Variants in BPTF observed in about 807,000 individuals in gnomAD.
BPTF encodes the protein bromodomain PHD finger transcription factor.
A neutral mutation model predicts 292.5 loss-of-function variants in BPTF; 18 were observed. The ratio of observed to expected loss-of-function variants is 0.06; its 90% confidence interval spans 0.04 to 0.09. BPTF has a LOEUF of 0.09. BPTF is among the 10% of genes least tolerant of loss of function. The probability of loss-of-function intolerance (pLI) is 1.00; values close to 1 mark genes in which losing one functional copy is unlikely to be tolerated. For synonymous variants in BPTF, 1,225 were observed against 1,251.9 expected (o/e 0.98, Z 0.45); for missense variants, 2,726 against 3,498.7 (o/e 0.78, Z 5.57).
At chr17:67,857,937 G>A (rs1172026346) in intron 2 of BPTF, among the ~76,000 whole-genome samples, 2 of 151,794 alleles carry the variant, frequency 1.3e-5, no homozygotes, top group Non-Finnish European at 2.9e-5. Flanking sequence ...ACAGGCATGC[G>A]CCACCACACC....
chr17:67,881,869 T>C (rs1418510881), intron 4 of BPTF, among the ~76,000 whole-genome samples: 1 of 139,482 alleles, frequency 7.2e-6, no homozygotes, highest in Non-Finnish European at 1.5e-5. Context: ...TTTTTTTTTT[T>C]TTTTTTTTTT....
At chr17:67,931,243 C>T (rs2064359918) in intron 17 of BPTF, among the ~76,000 whole-genome samples, 1 of 151,810 alleles carries the variant, frequency 6.6e-6, no homozygotes, top group Non-Finnish European at 1.5e-5. Flanking sequence ...CCAGCCTGGG[C>T]GAAAGAGCGA....
At chr17:67,842,350 ACTC>A (rs2057622799) in intron 1 of BPTF, among the ~76,000 whole-genome samples, 2 of 151,928 alleles carry the variant, frequency 1.3e-5, no homozygotes, top group Admixed American at 6.6e-5. Flanking sequence ...TTGACCAGTT[ACTC>A]CTCCTTCAGA....
At chr17:67,834,020 C>T (rs1256617809) in intron 1 of BPTF, among the ~76,000 whole-genome samples, 2 of 152,036 alleles carry the variant, frequency 1.3e-5, no homozygotes, top group Admixed American at 6.6e-5. Context: ...CTCTTCATCT[C>T]GAATGGATCT....
At chr17:67,963,846 C>G (rs2067746378) in intron 24 of BPTF, among the ~76,000 whole-genome samples, 1 of 152,110 alleles carries the variant, frequency 6.6e-6, no homozygotes, top group African/African-American at 2.4e-5. Flanking sequence ...TAGAAAAACA[C>G]TAATTTGGGT....
intron 17 of BPTF, among the ~76,000 whole-genome samples, chr17:67,929,813 GA>G (rs1427057141): frequency 6.6e-6 from 1 of 152,156 alleles, no homozygotes; most frequent in Non-Finnish European, 1.5e-5. Flanking sequence ...GGCTCGCTAA[GA>G]AATCAAATTT....
At chr17:67,859,297 C>T (rs1403170018) in intron 2 of BPTF, among the ~76,000 whole-genome samples, 3 of 152,146 alleles carry the variant, frequency 2.0e-5, no homozygotes, top group African/African-American at 7.2e-5. Flanking sequence ...AGGCATGTGC[C>T]ACCGTGCCCA....
rs1599101163 is a variant in BPTF, at chr17:67,982,319, A to T, written c.*31A>T. 1 of 1,591,280 alleles carries T rather than the reference A, an allele frequency of 6.3e-7. No individual in the cohort carries two copies. The highest frequency in any genetic ancestry group is 1.9e-4 in the Middle Eastern group (1 of 5,222). Reference sequence around the variant, plus strand: ...AGCGTGTTAACCTAACATAAAACACAGCAAGAATCTGGTTGTCTGAACTAT... The same window carrying T: ...AGCGTGTTAACCTAACATAAAACACTGCAAGAATCTGGTTGTCTGAACTAT... On this transcript the variant is annotated 3_prime_UTR_variant, in exon 28 of 28. Transcript: ENST00000306378.
At chr17:67,925,172 T>C (rs1173387092) in intron 15 of BPTF, among the ~76,000 whole-genome samples, 1 of 151,792 alleles carries the variant, frequency 6.6e-6, no homozygotes, top group Non-Finnish European at 1.5e-5. Context: ...TTGGAGGACA[T>C]CTGAAATAAG....
At chr17:67,972,667 T>C (rs1242885049) in intron 26 of BPTF, among the ~76,000 whole-genome samples, 1 of 152,164 alleles carries the variant, frequency 6.6e-6, no homozygotes, top group Non-Finnish European at 1.5e-5. Context: ...TTTGGTGTCA[T>C]GCTTGGAGTC....
intron 1 of BPTF, among the ~76,000 whole-genome samples, chr17:67,851,222 G>T (rs2058379532): frequency 6.6e-6 from 1 of 151,210 alleles, no homozygotes; most frequent in African/African-American, 2.4e-5. Context: ...GGGCCTTCGT[G>T]ACTGGGCTCA....
Position 67,912,272 on chromosome 17 carries a change from G to C in BPTF, c.4388G>C (p.Arg1463Thr). ...KSLTVKESAI[R>T]PFINGDVIME... Reference sequence around the variant, plus strand: ...TTGACTGTTAAAGAATCTGCTATAAGGCCATTCATTAATGGTGATGTCATC... The same window carrying C: ...TTGACTGTTAAAGAATCTGCTATAACGCCATTCATTAATGGTGATGTCATC... The change falls in exon 11 of 28, where the codon AGG becomes ACG. Residue 1463 changes from arginine to threonine, a missense_variant. Arg to Thr is a moderately conservative substitution (Grantham distance 71). Transcript: ENST00000306378. 1 of 1,613,550 alleles carries C rather than the reference G, an allele frequency of 6.2e-7. No homozygotes were observed. The highest frequency in any genetic ancestry group is 1.1e-5 in the South Asian group (1 of 91,030).
At chr17:67,940,152 C>G (rs978513863) in intron 18 of BPTF, among the ~76,000 whole-genome samples, 14 of 152,098 alleles carry the variant, frequency 9.2e-5, no homozygotes, top group Non-Finnish European at 1.8e-4. Context: ...TTTGTCTTCC[C>G]TATTATCATT....
intron 23 of BPTF, chr17:67,955,849 A>C (rs2066879881): frequency 1.3e-5 from 2 of 151,760 alleles, no homozygotes; most frequent in Admixed American, 1.3e-4. Context: ...GATTCACTTA[A>C]ATTATCATTT....
At chr17:67,858,517 T>C (rs1175891024) in intron 2 of BPTF, among the ~76,000 whole-genome samples, 1 of 145,148 alleles carries the variant, frequency 6.9e-6, no homozygotes, top group Non-Finnish European at 1.5e-5. Flanking sequence ...ATGGCGCCAC[T>C]GTACTCCAGC....
chr17:67,981,853 A>G (rs1568244963), intron 27 of BPTF: 1 of 225,890 alleles, frequency 4.4e-6, no homozygotes. Context: ...TATTCCCCTC[A>G]TCAATGTAAA....
chr17:67,910,232 G>A (rs2062559800), intron 10 of BPTF, among the ~76,000 whole-genome samples: 1 of 152,128 alleles, frequency 6.6e-6, no homozygotes, highest in Admixed American at 6.5e-5. Context: ...ACTCTGTATG[G>A]ATATGCCACA....
At chr17:67,838,083 A>C (rs920713921) in intron 1 of BPTF, among the ~76,000 whole-genome samples, 4 of 152,236 alleles carry the variant, frequency 2.6e-5, no homozygotes, top group African/African-American at 9.6e-5. Context: ...GTTACCAATT[A>C]GTAGATATTT....
chr17:67,877,927 C>A (rs1488575215), intron 4 of BPTF, among the ~76,000 whole-genome samples: 1 of 152,198 alleles, frequency 6.6e-6, no homozygotes, highest in Non-Finnish European at 1.5e-5. Context: ...AGCTACTGCA[C>A]CCAGCAACTT....
Sources: allele counts gnomAD v4.1 joint callset (sites outside exome capture counted in the v4.1 genomes callset), GRCh38; gene constraint gnomAD v4.1.1; transcripts MANE v1.5; gene names NCBI Gene and HGNC (gene_info 2026-07-23, HGNC 2026-07-21).